The following ARHGAP24 variants were observed in gnomAD, a reference collection of about 807,000 sequenced individuals.
The protein encoded by ARHGAP24 is Rho GTPase activating protein 24.
Under a neutral mutation model 76.4 loss-of-function variants are expected in ARHGAP24, and 50 were observed. That is an observed-to-expected ratio of 0.65 (90% CI 0.52 to 0.83). The LOEUF (loss-of-function observed/expected upper bound fraction) is 0.83, where lower values mean the gene tolerates loss of function less well. ARHGAP24 is among the 40% of genes least tolerant of loss of function. ARHGAP24 has a pLI of 0.00. For synonymous variants in ARHGAP24, 345 were observed against 323.3 expected (o/e 1.07, Z -0.72); for missense variants, 930 against 914.2 (o/e 1.02, Z -0.22).
At chr4:85,563,369 G>T (rs920309935) in intron 1 of ARHGAP24, among the ~76,000 whole-genome samples, 2 of 152,170 alleles carry the variant, frequency 1.3e-5, no homozygotes, top group Non-Finnish European at 2.9e-5. Context: ...TGGTAAGGTA[G>T]GTTTTGTTCT....
chr4:85,790,689 A>G (rs1728078770), intron 3 of ARHGAP24, among the ~76,000 whole-genome samples: 1 of 152,218 alleles, frequency 6.6e-6, no homozygotes, highest in Non-Finnish European at 1.5e-5. Context: ...CTGGACAACA[A>G]GTAGTCATCA....
chr4:85,582,678 A>G (rs1315551132), intron 2 of ARHGAP24, among the ~76,000 whole-genome samples: 1 of 152,122 alleles, frequency 6.6e-6, no homozygotes, highest in Non-Finnish European at 1.5e-5. Context: ...GGGTTGATTT[A>G]AATGTCAGAT....
At chr4:85,994,374 A>C (rs1294012917) in intron 8 of ARHGAP24, among the ~76,000 whole-genome samples, 1 of 152,192 alleles carries the variant, frequency 6.6e-6, no homozygotes, top group Non-Finnish European at 1.5e-5. Context: ...ATTAAATTAC[A>C]AAAGCAAAGT....
intron 3 of ARHGAP24, among the ~76,000 whole-genome samples, chr4:85,761,156 A>G (rs1726718758): frequency 6.6e-6 from 1 of 152,182 alleles, no homozygotes; most frequent in South Asian, 2.1e-4. Context: ...TTACCTCCCC[A>G]GTAGTGCTTC....
chr4:85,902,954 G>A (rs545963346), intron 3 of ARHGAP24, among the ~76,000 whole-genome samples: 1 of 152,192 alleles, frequency 6.6e-6, no homozygotes, highest in Non-Finnish European at 1.5e-5. Flanking sequence ...AAAGTTACTA[G>A]TTGAAGTTAA....
At chr4:85,773,693 T>G (rs1442928638) in intron 3 of ARHGAP24, among the ~76,000 whole-genome samples, 1 of 152,160 alleles carries the variant, frequency 6.6e-6, no homozygotes, top group Non-Finnish European at 1.5e-5. Context: ...TTTGGCACAT[T>G]ATATGGGCTC....
Position 85,570,672 on chromosome 4 carries a change from A to G in ARHGAP24, c.131A>G (p.Lys44Arg), listed in dbSNP as rs1339532418. ...TGGCATACTCGCTGGTTTGTGCTCA[A>G]GGGGGATCAGCTCTATTATTTCAAA... ...KTWHTRWFVL[K>R]GDQLYYFKDE... is the part of the protein sequence containing the mutation. Residue 44 changes from lysine (K) to arginine (R), a missense_variant, in exon 2 of 10, where the codon AAG (lysine) becomes AGG (arginine). By Grantham distance (26) the Lys-to-Arg change is conservative (BLOSUM62 2). Coordinates refer to ENST00000395184, the MANE Select transcript of ARHGAP24 (RefSeq NM_001025616.3). 4 of 1,614,000 alleles carry G rather than the reference A, an allele frequency of 2.5e-6. No individual in the cohort carries two copies. The African/African-American group carries it at 5.3e-5, about 22-fold the overall frequency.
intron 3 of ARHGAP24, among the ~76,000 whole-genome samples, chr4:85,782,173 T>G (rs1345771979): frequency 2.0e-5 from 3 of 152,192 alleles, no homozygotes; most frequent in Non-Finnish European, 4.4e-5. Context: ...ACACCGCTGT[T>G]TTAAACTGAA....
At chr4:85,944,730 A>C (rs1737154785) in intron 5 of ARHGAP24, among the ~76,000 whole-genome samples, 1 of 152,242 alleles carries the variant, frequency 6.6e-6, no homozygotes, top group African/African-American at 2.4e-5. Context: ...ATAACAAATC[A>C]CAGTTTAGTT....
intron 3 of ARHGAP24, among the ~76,000 whole-genome samples, chr4:85,904,498 T>A (rs1375240716): frequency 6.6e-6 from 1 of 152,206 alleles, no homozygotes; most frequent in African/African-American, 2.4e-5. Context: ...GAGACAAATA[T>A]ACAAACTATA....
intron 2 of ARHGAP24, among the ~76,000 whole-genome samples, chr4:85,620,415 C>G (rs1301498858): frequency 6.6e-6 from 1 of 151,868 alleles, no homozygotes; most frequent in East Asian, 1.9e-4. Flanking sequence ...TCCATTTCTT[C>G]TAGGTTATCC....
intron 2 of ARHGAP24, among the ~76,000 whole-genome samples, chr4:85,693,310 G>A (rs1276654197): frequency 6.6e-6 from 1 of 152,118 alleles, no homozygotes. Flanking sequence ...AGGTGTTCTG[G>A]GATGCAGGGC....
At chr4:85,681,231 G>C (rs1475957362) in intron 2 of ARHGAP24, among the ~76,000 whole-genome samples, 1 of 152,056 alleles carries the variant, frequency 6.6e-6, no homozygotes, top group African/African-American at 2.4e-5. Context: ...ATTATAAGAA[G>C]CCAACCAGCC....
chr4:85,782,063 GAA>G (rs71672794), intron 3 of ARHGAP24, among the ~76,000 whole-genome samples: 1 of 20,116 alleles, frequency 5.0e-5, no homozygotes, highest in Non-Finnish European at 1.6e-4. Context: ...AAAAAAAAAA[GAA>G]AAAAAAAACA....
intron 3 of ARHGAP24, among the ~76,000 whole-genome samples, chr4:85,755,116 G>T (rs894059017): frequency 6.6e-6 from 1 of 152,140 alleles, no homozygotes; most frequent in African/African-American, 2.4e-5. Flanking sequence ...AACCTGTTGC[G>T]TAAATTTGGA....
At chr4:85,858,182 A>G (rs963701188) in intron 3 of ARHGAP24, among the ~76,000 whole-genome samples, 1 of 152,182 alleles carries the variant, frequency 6.6e-6, no homozygotes, top group Non-Finnish European at 1.5e-5. Flanking sequence ...TACCAGTTGC[A>G]TTTGAAGCAC....
intron 3 of ARHGAP24, among the ~76,000 whole-genome samples, chr4:85,829,196 G>GA (rs904527518): frequency 6.6e-6 from 1 of 151,666 alleles, no homozygotes; most frequent in Admixed American, 6.6e-5. Flanking sequence ...AAATGAGAAG[G>GA]AAAAAAGGAA....
intron 3 of ARHGAP24, among the ~76,000 whole-genome samples, chr4:85,783,720 G>A (rs577034159): frequency 6.6e-6 from 1 of 151,734 alleles, no homozygotes; most frequent in South Asian, 2.1e-4. Context: ...ACGATTCCAT[G>A]CCAGACTTTA....
chr4:85,654,530 A>G (rs1210553118), intron 2 of ARHGAP24, among the ~76,000 whole-genome samples: 1 of 152,206 alleles, frequency 6.6e-6, no homozygotes, highest in Non-Finnish European at 1.5e-5. Flanking sequence ...TGAAAAGGTC[A>G]GTAGTTGTTA....
Sources: gnomAD v4.1 joint callset for allele counts (sites outside exome capture counted in the v4.1 genomes callset) on GRCh38, gnomAD v4.1.1 for gene constraint, MANE v1.5 for transcripts, NCBI Gene and HGNC (gene_info 2026-07-23, HGNC 2026-07-21) for gene names.